ELAVL1: variants seen among roughly 807,000 people sequenced by gnomAD.
ELAVL1 encodes ELAV like RNA binding protein 1.
In ELAVL1, 1 loss-of-function variant was observed where a neutral mutation model predicts 28.4. The observed-to-expected ratio is 0.04, with a 90% CI of 0.01 to 0.17. The LOEUF (loss-of-function observed/expected upper bound fraction) is 0.17. ELAVL1 is among the 10% of genes least tolerant of loss of function. The pLI is 1.00. For missense variants in ELAVL1, 157 were observed against 447.2 expected, an observed-to-expected ratio of 0.35 and a Z score of 5.85; for synonymous variants, 174 against 183.5, an observed-to-expected ratio of 0.95 and a Z score of 0.42.
chr19:7,983,947 TGTGGAAACCACACCAGGTTTCC>T (rs1455685778), intron 2 of ELAVL1, among the ~76,000 whole-genome samples: 3 of 152,172 alleles, frequency 2.0e-5, no homozygotes, highest in Non-Finnish European at 4.4e-5. Context: ...TCCTCCAGGA[TGTGGAAACCACACCAGGTTTCC>T]GTCTCCCTGG....
intron 1 of ELAVL1, among the ~76,000 whole-genome samples, chr19:8,005,190 G>A (rs2145235235): frequency 6.6e-6 from 1 of 152,110 alleles, no homozygotes; most frequent in East Asian, 1.9e-4. Flanking sequence ...CGGAGCCCGG[G>A]CTTCCAAGGC....
rs1434390998 is a variant in ELAVL1, at chr19:7,961,810, G to A, written c.*1673C>T. The stretch of plus-strand genomic sequence containing the variant: ...GCTGACCTGCTCTGGGGACGGTGGT[G>A]CCTGCCTATTGCTCAATTTCACACT... On this transcript the variant is annotated 3_prime_UTR_variant, in exon 6 of 6. Transcript: ENST00000407627. 2 of 152,120 alleles carry A rather than the reference G, an allele frequency of 1.3e-5. No individual in the cohort carries two copies. The highest frequency in any genetic ancestry group is 4.8e-5 in the African/African-American group (2 of 41,414). 9.4% of individuals were successfully genotyped at this position (152,120 alleles called of 1,614,324 possible).
intron 1 of ELAVL1, chr19:8,002,159 C>CACACGATGTTCTCTGA: frequency 3.1e-6 from 4 of 1,277,136 alleles, no homozygotes; most frequent in Non-Finnish European, 4.1e-6. Context: ...GTTCTTTGAA[C>CACACGATGTTCTCTGA]ACACGATGTT....
At chr19:8,002,750 ATCTCCAGGTGGAAGAGATCTG>A (rs906394980) in intron 1 of ELAVL1, among the ~76,000 whole-genome samples, 3 of 152,154 alleles carry the variant, frequency 2.0e-5, no homozygotes, top group African/African-American at 7.2e-5. Flanking sequence ...TAAGCAAAGG[ATCTCCAGGTGGAAGAGATCTG>A]TCTCCAGGTG....
rs539747783 is a variant in ELAVL1 at position 7,992,833 on chromosome 19, G to A, written c.-16-1002C>T. Among the ~76,000 whole-genome samples the A allele has an allele frequency of 2.9e-3, 444 of 152,266 alleles. 1 individual carries two copies. The highest frequency in any genetic ancestry group is 7.6e-3 in the African/African-American group (314 of 41,540). ...AGATGCTAATAATGGGTGTGGCGGC[G>A]CCATCACAGCTCACAGCAGCCAAGG... On this transcript the variant is annotated intron_variant, in intron 1 of 5. Transcript: ENST00000407627.
intron 2 of ELAVL1, among the ~76,000 whole-genome samples, chr19:7,987,448 T>A (rs956107894): frequency 2.0e-5 from 3 of 152,144 alleles, no homozygotes; most frequent in Non-Finnish European, 4.4e-5. Context: ...GTGGCCTCCT[T>A]AGCTGGTGTT....
intron 4 of ELAVL1, among the ~76,000 whole-genome samples, chr19:7,969,038 G>A (rs974528244): frequency 2.0e-5 from 3 of 152,156 alleles, no homozygotes; most frequent in African/African-American, 4.8e-5. Context: ...GGGAGAGGCC[G>A]TCACAGACAG....
intron 3 of ELAVL1, among the ~76,000 whole-genome samples, chr19:7,977,314 C>A (rs1204630961): frequency 6.6e-6 from 1 of 152,200 alleles, no homozygotes. Context: ...GGTTTCACAC[C>A]CTGGCTTTGC....
rs572077285 is a variant in ELAVL1, at chr19:7,979,778, G to A, written c.276+1305C>T. Among the ~76,000 whole-genome samples the A allele has an allele frequency of 3.3e-5, 5 of 152,354 alleles. No individual in the cohort carries two copies. In the East Asian group the frequency reaches 9.6e-4, roughly 29 times the overall value. On this transcript the variant is annotated intron_variant, in intron 3 of 5. Transcript: ENST00000407627. This position sits in a 1 kb window ranked among gnomAD's most constrained non-coding sequence, Gnocchi z 5.4. ...ACCACGTCCATGCGGCATGGGGCAG[G>A]TCTGGGAGAGCTGCTGCTGAGCCAG...
In ELAVL1 at chr19:7,963,476, G is replaced by T; in HGVS notation, c.*7C>A. 1 of 1,599,512 alleles carries T rather than the reference G, an allele frequency of 6.3e-7. No individual in the cohort carries two copies. The highest frequency in any genetic ancestry group is 1.1e-5 in the South Asian group (1 of 90,114). On this transcript the variant is annotated 3_prime_UTR_variant, in exon 6 of 6. Transcript: ENST00000407627. The surrounding 1 kb of genome is among the most constrained non-coding windows in gnomAD (Gnocchi z 4.5). The stretch of plus-strand genomic sequence containing the variant: ...ATCTATTCCGTACAAAAAAAAGCAT[G>T]AGCGAGTTATTTGTGGGACTTGTTG...
In ELAVL1 at chr19:7,979,200, C is replaced by G. The variant is rs771251467; in HGVS notation, c.276+1883G>C. ...ATGAGGCTGGCCTGTTTCTGCAGAA[C>G]TAGGACAGTGGTGTGAAGCCACTGA... is the stretch of plus-strand genomic sequence containing the variant. On this transcript the variant is annotated intron_variant, in intron 3 of 5. Transcript: ENST00000407627. The surrounding 1 kb of genome is among the most constrained non-coding windows in gnomAD (Gnocchi z 5.4). 2.0e-5 allele frequency among the ~76,000 whole-genome samples: 3 copies of G among 152,234 alleles called. No individual in the cohort carries two copies. The highest frequency in any genetic ancestry group is 2.9e-5 in the Non-Finnish European group (2 of 68,028).
intron 5 of ELAVL1, 87 bp downstream of exon 5, chr19:7,967,478 T>A: frequency 1.4e-6 from 2 of 1,402,642 alleles, no homozygotes; most frequent in Middle Eastern, 2.5e-4. Context: ...CAGTCTATCA[T>A]CCCCGTGGTT....
chr19:7,966,716 T>A (rs1428355290), intron 5 of ELAVL1, among the ~76,000 whole-genome samples: 1 of 149,358 alleles, frequency 6.7e-6, no homozygotes, highest in Non-Finnish European at 1.5e-5. Context: ...ACCTCCTGGG[T>A]TCAAGCGATC....
intron 5 of ELAVL1, among the ~76,000 whole-genome samples, chr19:7,964,161 C>A (rs1396148604): frequency 6.6e-6 from 1 of 152,198 alleles, no homozygotes; most frequent in Non-Finnish European, 1.5e-5. Flanking sequence ...GCTCTGCAGG[C>A]CTCTGACAGC....
At chr19:8,004,844 C>T (rs986789504) in intron 1 of ELAVL1, among the ~76,000 whole-genome samples, 2 of 152,186 alleles carry the variant, frequency 1.3e-5, no homozygotes, top group Non-Finnish European at 1.5e-5. Context: ...GGAAGGGCAT[C>T]CATCCCCCAT....
At chr19:7,977,288 G>A (rs1470908598) in intron 3 of ELAVL1, among the ~76,000 whole-genome samples, 5 of 152,318 alleles carry the variant, frequency 3.3e-5, no homozygotes, top group East Asian at 3.9e-4. Flanking sequence ...AGTGCCTGTA[G>A]CCACATACAG....
At chr19:7,980,694 T>C (rs1426621342) in intron 3 of ELAVL1, among the ~76,000 whole-genome samples, 1 of 152,158 alleles carries the variant, frequency 6.6e-6, no homozygotes, top group Non-Finnish European at 1.5e-5. Flanking sequence ...TTTGTCTGTT[T>C]TGGTCACTGT....
chr19:7,978,574 T>A (rs2145210903), intron 3 of ELAVL1, among the ~76,000 whole-genome samples: 1 of 152,296 alleles, frequency 6.6e-6, no homozygotes, highest in East Asian at 1.9e-4. Flanking sequence ...AGCTCTGTGC[T>A]TGGGACCCTC....
intron 1 of ELAVL1, among the ~76,000 whole-genome samples, chr19:8,003,355 C>CAAAAAAAAAAA (rs71165248): frequency 1.6e-5 from 1 of 61,094 alleles, no homozygotes; most frequent in Non-Finnish European, 2.7e-5. Flanking sequence ...GAAACTGTCT[C>CAAAAAAAAAAA]AAAAAAAAAA....
Sources: gnomAD v4.1 joint callset for allele counts (sites outside exome capture counted in the v4.1 genomes callset) on GRCh38, gnomAD v4.1.1 for gene constraint, Gnocchi (gnomAD v3.1) non-coding constraint, MANE v1.5 for transcripts, NCBI Gene and HGNC (gene_info 2026-07-23, HGNC 2026-07-21) for gene names.